STXBP5: variants seen among roughly 807,000 people sequenced by gnomAD.
The protein encoded by STXBP5 is syntaxin-binding protein 5.
Under a neutral mutation model 152.4 loss-of-function variants are expected in STXBP5, and 50 were observed. The observed-to-expected ratio is 0.33, with a 90% CI of 0.26 to 0.42. The LOEUF is 0.42. STXBP5 is among the 10% of genes least tolerant of loss of function. The pLI, the probability that STXBP5 is intolerant of heterozygous loss-of-function variation, is 1.00. For missense variants in STXBP5, 1,167 were observed against 1,388.6 expected (o/e 0.84, Z 2.54); for synonymous variants, 492 against 494.7 (o/e 0.99, Z 0.07).
chr6:147,223,522 G>T (rs537904012), intron 2 of STXBP5, among the ~76,000 whole-genome samples: 1 of 152,230 alleles, frequency 6.6e-6, no homozygotes, highest in African/African-American at 2.4e-5. Context: ...TTATTTAATA[G>T]ATTATATGTA....
chr6:147,260,546 C>T (rs1031076192), intron 4 of STXBP5, 69 bp from the exon 5 acceptor site: 6 of 1,568,744 alleles, frequency 3.8e-6, no homozygotes, highest in Admixed American at 1.7e-5. Context: ...TCATAATCAA[C>T]CCTCTAATGC....
intron 2 of STXBP5, among the ~76,000 whole-genome samples, chr6:147,217,444 C>T (rs377151781): frequency 2.0e-5 from 3 of 152,132 alleles, no homozygotes; most frequent in Non-Finnish European, 4.4e-5. Flanking sequence ...TTTATGACTA[C>T]GTAGTAAATA....
At position 147,345,236 on chromosome 6, in the gene STXBP5, A is replaced by G. The variant is rs1386046201; in HGVS notation, c.2254+5852A>G. Among the ~76,000 whole-genome samples, 3 of 152,182 alleles carry G rather than the reference A, an allele frequency of 2.0e-5. No homozygotes were observed. The East Asian group carries it at 5.8e-4, about 29-fold the overall frequency. ...TATTCATTGTGTTTATTAAACACAC[A>G]TTAAATGCTGGAAACAGACATATAT... On this transcript the variant is annotated intron_variant, in intron 21 of 27. Coordinates refer to ENST00000321680, the MANE Select transcript of STXBP5 (RefSeq NM_001127715.4).
chr6:147,332,333 T>G (rs73586345), intron 18 of STXBP5, among the ~76,000 whole-genome samples: 3,360 of 152,232 alleles, frequency 0.022, 93 homozygotes, highest in African/African-American at 0.073. Context: ...ATACAGTAGA[T>G]TACATTAATA....
chr6:147,331,751 G>A (rs1383505241), intron 18 of STXBP5, among the ~76,000 whole-genome samples: 1 of 149,784 alleles, frequency 6.7e-6, no homozygotes, highest in Admixed American at 6.7e-5. Flanking sequence ...TTTTAAATCA[G>A]GGCATTATAA....
intron 4 of STXBP5, among the ~76,000 whole-genome samples, chr6:147,248,113 C>T (rs1778902182): frequency 6.6e-6 from 1 of 151,998 alleles, no homozygotes; most frequent in Admixed American, 6.6e-5. Flanking sequence ...AACCCTGTCT[C>T]TACTAAAAAT....
intron 2 of STXBP5, among the ~76,000 whole-genome samples, chr6:147,225,319 C>T (rs58285613): frequency 1.1e-3 from 160 of 152,186 alleles, no homozygotes; most frequent in African/African-American, 3.5e-3. Flanking sequence ...ATATCATGAT[C>T]CTTATTCTTA....
chr6:147,216,905 T>C (rs560108027), intron 2 of STXBP5, among the ~76,000 whole-genome samples: 1 of 152,350 alleles, frequency 6.6e-6, no homozygotes, highest in Admixed American at 6.5e-5. Flanking sequence ...AGAACTCACA[T>C]GGTAGCTATT....
intron 2 of STXBP5, among the ~76,000 whole-genome samples, chr6:147,211,581 C>T (rs1776856699): frequency 6.6e-6 from 1 of 151,766 alleles, no homozygotes; most frequent in African/African-American, 2.4e-5. Context: ...AGAATTTAGC[C>T]AGTGTGTTTT....
chr6:147,339,492 T>C (rs1464534052), intron 21 of STXBP5, 108 bp downstream of exon 21: 1 of 818,032 alleles, frequency 1.2e-6, no homozygotes, highest in Admixed American at 4.0e-5. Context: ...TTGTTGTTCC[T>C]ATGCTAAAAA....
chr6:147,302,948 TC>T (rs1467347316), intron 9 of STXBP5, among the ~76,000 whole-genome samples: 1 of 152,166 alleles, frequency 6.6e-6, no homozygotes, highest in Non-Finnish European at 1.5e-5. Context: ...CATAGATAAT[TC>T]AGTAGTGAAA....
chr6:147,316,155 G>A (rs1782633093), intron 15 of STXBP5, 74 bp from the exon 16 acceptor site: 8 of 1,384,032 alleles, frequency 5.8e-6, no homozygotes, highest in Non-Finnish European at 8.1e-6. Flanking sequence ...AAGTGTGTGT[G>A]TATGTGTGTA....
intron 11 of STXBP5, 151 bp from the exon 12 acceptor site, chr6:147,313,732 TA>T: frequency 1.9e-6 from 1 of 534,312 alleles, no homozygotes; most frequent in Non-Finnish European, 2.9e-6. Flanking sequence ...ATTTTCATTA[TA>T]AAAGACTTCC....
chr6:147,261,006 T>C (rs2115339358), intron 5 of STXBP5, among the ~76,000 whole-genome samples: 1 of 152,220 alleles, frequency 6.6e-6, no homozygotes, highest in Admixed American at 6.5e-5. Flanking sequence ...GTAACACTAG[T>C]TTAAGGAAAC....
chr6:147,357,656 G>A (rs894172390), intron 22 of STXBP5, among the ~76,000 whole-genome samples: 2 of 152,030 alleles, frequency 1.3e-5, no homozygotes, highest in African/African-American at 4.8e-5. Context: ...GATAATGGAA[G>A]TAGATTACCA....
intron 18 of STXBP5, among the ~76,000 whole-genome samples, chr6:147,327,527 GA>G (rs1783327886): frequency 6.6e-6 from 1 of 151,948 alleles, no homozygotes. Flanking sequence ...CTGCAGCCTT[GA>G]CCTCTTGGGC....
intron 4 of STXBP5, among the ~76,000 whole-genome samples, chr6:147,245,976 T>G (rs1044516977): frequency 1.3e-5 from 2 of 152,184 alleles, no homozygotes; most frequent in African/African-American, 4.8e-5. Context: ...TTCCTGTTGT[T>G]TTAAGCCACC....
chr6:147,280,364 G>A (rs946862037), intron 8 of STXBP5, among the ~76,000 whole-genome samples: 5 of 152,204 alleles, frequency 3.3e-5, no homozygotes, highest in South Asian at 2.1e-4. Flanking sequence ...AGTGGAACTC[G>A]TTTTTGATTT....
chr6:147,225,208 A>G (rs1249307586), intron 2 of STXBP5, among the ~76,000 whole-genome samples: 1 of 152,160 alleles, frequency 6.6e-6, no homozygotes, highest in Non-Finnish European at 1.5e-5. Flanking sequence ...TTAGTAGGAG[A>G]ATATCTACTC....
Sources: allele counts gnomAD v4.1 joint callset (sites outside exome capture counted in the v4.1 genomes callset), GRCh38; gene constraint gnomAD v4.1.1; transcripts MANE v1.5; gene names NCBI Gene and HGNC (gene_info 2026-07-23, HGNC 2026-07-21).